Variants in NR6A1 observed in about 807,000 individuals in gnomAD.
NR6A1 encodes the protein nuclear receptor subfamily 6 group A member 1.
NR6A1 carries 7 observed loss-of-function variants against 59.1 expected under a neutral mutation model. The ratio of observed to expected loss-of-function variants is 0.12; its 90% CI spans 0.07 to 0.22. The LOEUF (loss-of-function observed/expected upper bound fraction) is 0.22, where lower values mean the gene tolerates loss of function less well. NR6A1 is among the 10% of genes least tolerant of loss of function. The pLI, the probability that NR6A1 is intolerant of heterozygous loss-of-function variation, is 1.00. For missense variants in NR6A1, 468 were observed against 611.6 expected (o/e 0.77, Z 2.48); for synonymous variants, 243 against 236.1 (o/e 1.03, Z -0.27).
In NR6A1 at chr9:124,522,607, C is replaced by A; in HGVS notation, c.*98G>T. 1 of 886,192 alleles carries A rather than the reference C, an allele frequency of 1.1e-6. No homozygotes were observed. Among genetic ancestry groups the A allele is most frequent in the Non-Finnish European group, 1.8e-6 (1 of 569,696 alleles). 54.9% of individuals were successfully genotyped at this position (886,192 alleles called of 1,614,324 possible). Reference sequence around the variant, plus strand: ...TATGGAGGCAACGGGAAATGCTGCTCCACAGCCTCCATCTTGGTCTCTCTG... The same window carrying A: ...TATGGAGGCAACGGGAAATGCTGCTACACAGCCTCCATCTTGGTCTCTCTG... On this transcript the variant is annotated 3_prime_UTR_variant, in exon 10 of 10. Coordinates refer to ENST00000487099, the MANE Select transcript of NR6A1 (RefSeq NM_033334.4).
At position 124,524,890 on chromosome 9, in the gene NR6A1, AAC is replaced by A. The variant is rs1554723932; in HGVS notation, c.1202-19_1202-18del. The A allele has an allele frequency of 3.2e-5, 50 of 1,580,940 alleles. No individual in the cohort carries two copies. The highest frequency in any genetic ancestry group is 9.0e-5 in the East Asian group (4 of 44,496). ...CCCTGATATCTGTGGAAAAAAAAAA[AAC>A]ACACACACACATACAGGGAATGGGA... On this transcript the variant is annotated intron_variant, in intron 8 of 9. Transcript: ENST00000487099.
chr9:124,594,173 T>C (rs1340027094), intron 2 of NR6A1, among the ~76,000 whole-genome samples: 1 of 152,216 alleles, frequency 6.6e-6, no homozygotes, highest in Non-Finnish European at 1.5e-5. Context: ...ACTGGGATCA[T>C]TCATTTTGCT....
At chr9:124,575,366 G>A (rs900940142) in intron 2 of NR6A1, among the ~76,000 whole-genome samples, 3 of 152,150 alleles carry the variant, frequency 2.0e-5, no homozygotes, top group African/African-American at 7.2e-5. Context: ...CTGAGCTCAG[G>A]AGTTCGAGAC....
At chr9:124,610,681 G>C (rs776363512) in intron 2 of NR6A1, among the ~76,000 whole-genome samples, 1 of 152,152 alleles carries the variant, frequency 6.6e-6, no homozygotes, top group Non-Finnish European at 1.5e-5. Flanking sequence ...AATGGTACCA[G>C]CTCCTCTTTG....
At chr9:124,688,242 T>C (rs979517699) in intron 2 of NR6A1, among the ~76,000 whole-genome samples, 5 of 152,106 alleles carry the variant, frequency 3.3e-5, no homozygotes, top group African/African-American at 9.7e-5. Flanking sequence ...GGAGGATTAC[T>C]TGAGCCCAGG....
chr9:124,644,110 AG>A (rs1354820198), intron 2 of NR6A1, among the ~76,000 whole-genome samples: 1 of 151,806 alleles, frequency 6.6e-6, no homozygotes, highest in East Asian at 1.9e-4. Context: ...TATATTGGCC[AG>A]GATGGCCTTG....
chr9:124,644,290 T>TTTTTTA lies in NR6A1; in HGVS notation c.142+89017_142+89018insTAAAAA, dbSNP rs1836867842. On this transcript the variant is annotated intron_variant, in intron 2 of 9. Coordinates refer to ENST00000487099, the MANE Select transcript of NR6A1 (RefSeq NM_033334.4). ...AGTCTTCTTTTTTTTTTTTTTTTTT[T>TTTTTTA]GAGACATGGTTTCGCTCTATTGCCA... Among the ~76,000 whole-genome samples, 6 of 148,806 alleles carry TTTTTTA rather than the reference T, an allele frequency of 4.0e-5. 1 individual carries two copies. Among genetic ancestry groups the TTTTTTA allele is most frequent in the African/African-American group, 7.4e-5 (3 of 40,306 alleles).
chr9:124,759,683 C>T (rs1362037137), intron 1 of NR6A1, among the ~76,000 whole-genome samples: 1 of 152,132 alleles, frequency 6.6e-6, no homozygotes, highest in African/African-American at 2.4e-5. Context: ...TCCTTAGCAC[C>T]CCTTGGGTTC....
At chr9:124,711,730 CTGAG>C (rs1418590035) in intron 2 of NR6A1, among the ~76,000 whole-genome samples, 1 of 152,162 alleles carries the variant, frequency 6.6e-6, no homozygotes, top group Non-Finnish European at 1.5e-5. Context: ...TGGATACCCA[CTGAG>C]TAAGTCAAGA....
Position 124,711,097 on chromosome 9 carries a change from T to C in NR6A1, c.142+22211A>G, listed in dbSNP as rs180676780. On this transcript the variant is annotated intron_variant, in intron 2 of 9. Transcript: ENST00000487099. ...TCCTTACTCCAAGCCTATTTGTACATAATAGTCCACTGCCAATGAATAATT... is the reference window on the plus strand; with the variant it reads ...TCCTTACTCCAAGCCTATTTGTACACAATAGTCCACTGCCAATGAATAATT... 4.4e-3 allele frequency among the ~76,000 whole-genome samples: 638 copies of C among 143,794 alleles called. 6 individuals are homozygous for C. Among genetic ancestry groups the C allele is most frequent in the African/African-American group, 0.016 (601 of 38,380 alleles). 94.3% of individuals were successfully genotyped at this position (143,794 alleles called of 152,430 possible).
chr9:124,590,161 G>A (rs746980858), intron 2 of NR6A1, among the ~76,000 whole-genome samples: 3 of 147,168 alleles, frequency 2.0e-5, no homozygotes, highest in Admixed American at 6.9e-5. Flanking sequence ...AAAACATTTC[G>A]CTAATGGTAA....
At chr9:124,669,092 A>T (rs1441643788) in intron 2 of NR6A1, among the ~76,000 whole-genome samples, 1 of 152,230 alleles carries the variant, frequency 6.6e-6, no homozygotes, top group Non-Finnish European at 1.5e-5. Context: ...GAAATCTCAG[A>T]AGTAAAAACA....
chr9:124,588,513 T>C (rs1330970827), intron 2 of NR6A1, among the ~76,000 whole-genome samples: 1 of 151,050 alleles, frequency 6.6e-6, no homozygotes, highest in Non-Finnish European at 1.5e-5. Flanking sequence ...TTTCACCCTG[T>C]TAGCCAGGAT....
chr9:124,583,568 A>T (rs1405712343), intron 2 of NR6A1, among the ~76,000 whole-genome samples: 1 of 152,168 alleles, frequency 6.6e-6, no homozygotes, highest in East Asian at 1.9e-4. Flanking sequence ...TCTTCTGTTT[A>T]GGGGCAGGGG....
intron 2 of NR6A1, among the ~76,000 whole-genome samples, chr9:124,679,223 C>T (rs1838049931): frequency 6.6e-6 from 1 of 152,102 alleles, no homozygotes; most frequent in African/African-American, 2.4e-5. Flanking sequence ...GAGCAATTTC[C>T]ATAACTGGTT....
At chr9:124,546,811 T>C (rs987377729) in intron 3 of NR6A1, among the ~76,000 whole-genome samples, 1 of 152,238 alleles carries the variant, frequency 6.6e-6, no homozygotes, top group African/African-American at 2.4e-5. Context: ...TTCAAACTTA[T>C]AATGTTCTTG....
At chr9:124,531,067 C>G (rs1833084436) in intron 7 of NR6A1, among the ~76,000 whole-genome samples, 1 of 152,206 alleles carries the variant, frequency 6.6e-6, no homozygotes, top group Non-Finnish European at 1.5e-5. Flanking sequence ...TAGCTGTTAT[C>G]ATTACAAATA....
chr9:124,771,087 C>A lies in NR6A1; in HGVS notation c.33G>T (p.Gly11=), dbSNP rs1323409137. Residue 11 remains glycine, a synonymous_variant, in exon 1 of 10, where the codon GGG becomes GGT. Transcript: ENST00000487099. MERDEPPPSG[G]GGGGGSAGFL... is the part of the protein sequence containing the mutation. ...ACCCCGCCGAGCCCCCGCCGCCTCC[C>A]CCTCCGCTAGGCGGCGGTTCGTCCC... The A allele has an allele frequency of 7.6e-5, 93 of 1,230,306 alleles. No individual in the cohort carries two copies. Among genetic ancestry groups the A allele is most frequent in the Non-Finnish European group, 9.1e-5 (90 of 986,958 alleles). 76.2% of individuals were successfully genotyped at this position (1,230,306 alleles called of 1,614,324 possible). A position where few individuals can be genotyped will look rare whatever the true frequency, so the allele number is the denominator to read the frequency against.
rs145150079 is a variant in NR6A1, at chr9:124,685,227, T to C, written c.142+48081A>G. On this transcript the variant is annotated intron_variant, in intron 2 of 9. Transcript: ENST00000487099. ...GAATAATATGAACGCTTTTGAAAAA[T>C]ACAGAATTTACTCCTAGAAAAGCTG... Among the ~76,000 whole-genome samples, 589 of 152,272 alleles carry C rather than the reference T, an allele frequency of 3.9e-3. 2 individuals carry two copies. Among genetic ancestry groups the C allele is most frequent in the African/African-American group, 0.013 (552 of 41,548 alleles).
Sources: gnomAD v4.1 joint callset for allele counts (sites outside exome capture counted in the v4.1 genomes callset) on GRCh38, gnomAD v4.1.1 for gene constraint, MANE v1.5 for transcripts, NCBI Gene and HGNC (gene_info 2026-07-23, HGNC 2026-07-21) for gene names.